The following UNC13C variants were observed in gnomAD, a reference collection of about 807,000 sequenced individuals.
The protein encoded by UNC13C is unc-13 homolog C.
UNC13C carries 174 observed loss-of-function variants against 245.4 expected under a neutral mutation model. The ratio of observed to expected loss-of-function variants is 0.71; its 90% CI spans 0.63 to 0.80. UNC13C has a LOEUF of 0.80. UNC13C is among the 30% of genes least tolerant of loss of function. The probability of loss-of-function intolerance (pLI) is 0.00; values close to 1 mark genes in which losing one functional copy is unlikely to be tolerated. For missense variants in UNC13C, 2,829 were observed against 2,602.9 expected, an observed-to-expected ratio of 1.09 and a Z score of -1.89; for synonymous variants, 992 against 895.1, an observed-to-expected ratio of 1.11 and a Z score of -1.93.
At chr15:54,419,452 T>A (rs547325213) in intron 19 of UNC13C, among the ~76,000 whole-genome samples, 5 of 152,260 alleles carry the variant, frequency 3.3e-5, no homozygotes, top group African/African-American at 1.2e-4. Flanking sequence ...TTTAAATCTG[T>A]CTTTCTATTA....
intron 1 of UNC13C, among the ~76,000 whole-genome samples, chr15:54,010,987 G>A (rs754235607): frequency 2.0e-5 from 3 of 152,148 alleles, no homozygotes; most frequent in South Asian, 4.1e-4. Flanking sequence ...CCAATTCTTC[G>A]ATAAAGAGTG....
intron 4 of UNC13C, among the ~76,000 whole-genome samples, chr15:54,225,956 CTCTT>C (rs1377384903): frequency 1.3e-5 from 2 of 152,062 alleles, no homozygotes; most frequent in African/African-American, 4.8e-5. Flanking sequence ...TCATAAATGG[CTCTT>C]ATTATTTTGA....
chr15:54,273,531 T>C (rs1425271312), intron 10 of UNC13C, among the ~76,000 whole-genome samples: 1 of 152,190 alleles, frequency 6.6e-6, no homozygotes, highest in African/African-American at 2.4e-5. Flanking sequence ...TTTTCAATAA[T>C]TAGCTCAGTT....
intron 4 of UNC13C, among the ~76,000 whole-genome samples, chr15:54,166,721 T>C (rs1298634918): frequency 6.6e-6 from 1 of 152,180 alleles, no homozygotes; most frequent in Non-Finnish European, 1.5e-5. Context: ...TAAAATGAAA[T>C]TTTAAGAATT....
At position 54,013,186 on chromosome 15, in the gene UNC13C, C is replaced by G; in HGVS notation, c.283C>G (p.Arg95Gly). 1 of 1,613,754 alleles carries G rather than the reference C, an allele frequency of 6.2e-7. No homozygotes were observed. The highest frequency in any genetic ancestry group is 8.5e-7 in the Non-Finnish European group (1 of 1,179,840). Residue 95 changes from arginine to glycine, a missense_variant, in exon 2 of 33, where the codon CGA becomes GGA. Physicochemically the swap from Arg to Gly is moderately radical, Grantham distance 125. Coordinates refer to ENST00000260323, the MANE Select transcript of UNC13C (RefSeq NM_001080534.3). Reference protein sequence around the residue: ...EFSLSPTFSYRVAIANGLQKN... With the variant: ...EFSLSPTFSYGVAIANGLQKN... The stretch of plus-strand genomic sequence containing the variant: ...TTCCCTCTCACCAACATTCAGTTAC[C>G]GAGTAGCTATTGCCAATGGCCTACA...
chr15:54,629,659 TTTATG>T (rs1356580612), downstream of UNC13C: 10 of 152,206 alleles, frequency 6.6e-5, no homozygotes, highest in African/African-American at 2.4e-4. Context: ...TCATTCTAGA[TTTATG>T]TTATAAATAT....
At chr15:53,944,895 A>G in the UNC13C span, among the ~76,000 whole-genome samples, 4 of 152,124 alleles carry the variant, frequency 2.6e-5, no homozygotes, top group African/African-American at 9.7e-5. Flanking sequence ...GGGTATAAGC[A>G]TCTCCTTTCT....
intron 4 of UNC13C, among the ~76,000 whole-genome samples, chr15:54,225,768 C>G (rs970575378): frequency 6.6e-6 from 1 of 152,164 alleles, no homozygotes; most frequent in African/African-American, 2.4e-5. Context: ...GGCAGTTTGA[C>G]TTCTTGTCTT....
At chr15:54,021,093 G>A (rs141914842) in intron 2 of UNC13C, among the ~76,000 whole-genome samples, 22 of 151,664 alleles carry the variant, frequency 1.5e-4, no homozygotes, top group Admixed American at 5.9e-4. Flanking sequence ...ATATTTATGC[G>A]GTATAATGTA....
rs76477152 is a variant in UNC13C, at chr15:54,193,292, A to C, written c.3072-41738A>C. Among the ~76,000 whole-genome samples the C allele has an allele frequency of 6.1e-3, 926 of 152,330 alleles. 56 individuals carry two copies. The East Asian group carries it at 0.11, about 18-fold the overall frequency. On this transcript the variant is annotated intron_variant, in intron 4 of 32. Coordinates refer to ENST00000260323, the MANE Select transcript of UNC13C (RefSeq NM_001080534.3). ...CAATTACTACTGGTCACTTATGACC[A>C]TGTGATATGCTTGGAGACTTCCTGA...
chr15:54,447,915 G>T (rs60315963), intron 19 of UNC13C, among the ~76,000 whole-genome samples: 1 of 152,090 alleles, frequency 6.6e-6, no homozygotes, highest in East Asian at 1.9e-4. Context: ...GCATTTAGTG[G>T]TATAAATTTC....
At chr15:54,126,767 C>T (rs764748201) in intron 2 of UNC13C, among the ~76,000 whole-genome samples, 7 of 152,120 alleles carry the variant, frequency 4.6e-5, no homozygotes, top group Admixed American at 2.0e-4. Context: ...TCAGAGTGAA[C>T]AGGCAATCTG....
the UNC13C span, among the ~76,000 whole-genome samples, chr15:53,895,080 G>A: frequency 6.6e-6 from 1 of 151,604 alleles, no homozygotes; most frequent in Admixed American, 6.6e-5. Context: ...ATTTTTTGTC[G>A]AGGCTGGGCG....
At chr15:54,444,695 T>A (rs928237700) in intron 19 of UNC13C, among the ~76,000 whole-genome samples, 1 of 151,932 alleles carries the variant, frequency 6.6e-6, no homozygotes, top group South Asian at 2.1e-4. Flanking sequence ...TTTTTTTGTG[T>A]GTGCTCTACC....
downstream of UNC13C, chr15:54,630,898 CT>C: frequency 6.6e-6 from 1 of 151,962 alleles, no homozygotes. Flanking sequence ...ATATATAATC[CT>C]TTGGCATGTT....
rs143155468 is a variant in UNC13C at position 54,465,003 on chromosome 15, A to G, written c.4934-29605A>G. ...CAAATACATACAAATAATACATTAT[A>G]CTCTTTCTGTATATTACACAGATAA... On this transcript the variant is annotated intron_variant, in intron 19 of 32. Coordinates refer to ENST00000260323, the MANE Select transcript of UNC13C (RefSeq NM_001080534.3). Among the ~76,000 whole-genome samples, 1,032 of 152,052 alleles carry G rather than the reference A, an allele frequency of 6.8e-3. 7 individuals carry two copies. The highest frequency in any genetic ancestry group is 0.023 in the African/African-American group (961 of 41,506).
chr15:54,015,893 A>G lies in UNC13C; in HGVS notation c.2983+7A>G, dbSNP rs765558408. On this transcript the variant is annotated splice_region_variant and intron_variant, in intron 2 of 32. Transcript: ENST00000260323. ...GAGAAGATCTTGGCTGGAGGTATTCATGTTTAAATGCTACATTGTGAGCTA... is the reference window on the plus strand; with the variant it reads ...GAGAAGATCTTGGCTGGAGGTATTCGTGTTTAAATGCTACATTGTGAGCTA... The G allele has an allele frequency of 1.3e-6, 2 of 1,555,236 alleles. No individual in the cohort carries two copies. Among genetic ancestry groups the G allele is most frequent in the African/African-American group, 2.7e-5 (2 of 72,750 alleles).
chr15:53,880,731 A>G, the UNC13C span, among the ~76,000 whole-genome samples: 1 of 151,848 alleles, frequency 6.6e-6, no homozygotes, highest in African/African-American at 2.4e-5. Flanking sequence ...TCACAAAGAA[A>G]GAGTCTGAAA....
intron 19 of UNC13C, among the ~76,000 whole-genome samples, chr15:54,434,185 C>T (rs952966545): frequency 2.0e-5 from 3 of 152,058 alleles, no homozygotes; most frequent in African/African-American, 7.2e-5. Context: ...TCAATGCTAT[C>T]CCCATCAGCT....
Sources: allele counts gnomAD v4.1 joint callset (sites outside exome capture counted in the v4.1 genomes callset), GRCh38; gene constraint gnomAD v4.1.1; transcripts MANE v1.5; gene names NCBI Gene and HGNC (gene_info 2026-07-23, HGNC 2026-07-21).